MRTFB: variants seen among roughly 807,000 people sequenced by gnomAD.
The protein encoded by MRTFB is myocardin-related transcription factor B.
MRTFB carries 29 observed loss-of-function variants against 104.2 expected under a neutral mutation model. That is an observed-to-expected ratio of 0.28 (90% CI 0.21 to 0.38). The LOEUF (loss-of-function observed/expected upper bound fraction) is 0.38. MRTFB is among the 10% of genes least tolerant of loss of function. MRTFB has a pLI of 1.00. For missense variants in MRTFB, 1,270 were observed against 1,341.6 expected (o/e 0.95, Z 0.83); for synonymous variants, 535 against 519.5 (o/e 1.03, Z -0.41).
chr16:14,039,014 C>T, the MRTFB span, among the ~76,000 whole-genome samples: 2 of 152,132 alleles, frequency 1.3e-5, no homozygotes, highest in Non-Finnish European at 2.9e-5. Context: ...GGGGAAACTG[C>T]CCCCATGATT....
At chr16:14,229,164 G>A (rs1345080156) in intron 8 of MRTFB, among the ~76,000 whole-genome samples, 5 of 152,068 alleles carry the variant, frequency 3.3e-5, no homozygotes, top group Non-Finnish European at 2.9e-5. Flanking sequence ...CCCACTGAAC[G>A]TCCACTAGAT....
At chr16:14,071,950 T>A (rs2033728848) in intron 1 of MRTFB, among the ~76,000 whole-genome samples, 1 of 151,904 alleles carries the variant, frequency 6.6e-6, no homozygotes, top group Non-Finnish European at 1.5e-5. Context: ...GGCTTTTGTC[T>A]CGTTCCTAAA....
chr16:14,065,648 G>A, the MRTFB span, among the ~76,000 whole-genome samples: 1 of 152,112 alleles, frequency 6.6e-6, no homozygotes, highest in East Asian at 1.9e-4. Context: ...AGGAGGCTGA[G>A]GAAGGGAGAC....
chr16:14,034,549 G>A, the MRTFB span, among the ~76,000 whole-genome samples: 5 of 151,108 alleles, frequency 3.3e-5, no homozygotes, highest in Admixed American at 6.6e-5. Flanking sequence ...AGGAGGCAGA[G>A]GTTGCAGTGA....
intron 3 of MRTFB, among the ~76,000 whole-genome samples, chr16:14,206,663 T>C (rs1215031575): frequency 1.3e-5 from 2 of 152,192 alleles, no homozygotes; most frequent in Non-Finnish European, 2.9e-5. Context: ...TGCCTCAGCC[T>C]GCTGAGTAGC....
At chr16:14,060,224 C>T in the MRTFB span, among the ~76,000 whole-genome samples, 1 of 151,992 alleles carries the variant, frequency 6.6e-6, no homozygotes, top group Non-Finnish European at 1.5e-5. Context: ...CCAGGCTGGT[C>T]TCGAACTTCT....
At chr16:14,019,451 T>C in the MRTFB span, 1 of 152,230 alleles carries the variant, frequency 6.6e-6, no homozygotes, top group Non-Finnish European at 1.5e-5. Flanking sequence ...GGCCCATTCC[T>C]GCACTTCTTT....
intron 2 of MRTFB, among the ~76,000 whole-genome samples, chr16:14,111,890 C>T (rs1007564220): frequency 1.3e-5 from 2 of 152,218 alleles, no homozygotes; most frequent in African/African-American, 2.4e-5. Context: ...CACTGCCACA[C>T]CCACCTGGGT....
At chr16:14,163,821 G>A (rs1270040095) in intron 3 of MRTFB, among the ~76,000 whole-genome samples, 7 of 141,014 alleles carry the variant, frequency 5.0e-5, no homozygotes, top group Admixed American at 1.4e-4. Context: ...CAACAAGAGC[G>A]AAACTCTGTC....
In MRTFB at chr16:14,246,743, C is replaced by G. The variant is rs760032035; in HGVS notation, c.1483C>G (p.Arg495Gly). ...ACCTACAGGAACCAGCAACGCAACC[C>G]GTGTGGAAAATGTTCATTCCCCTCT... ...LPPTGTSNAT[R>G]VENVHSPLPI... Residue 495 changes from arginine (R) to glycine (G), a missense_variant, in exon 12 of 17, where the codon CGT becomes GGT. Physicochemically the swap from Arg to Gly is moderately radical, Grantham distance 125. This residue lies in a region of MRTFB where 1,144 missense variants were observed against 1,131.5 expected (regional missense o/e 1.01). Coordinates refer to ENST00000571589, the MANE Select transcript of MRTFB (RefSeq NM_001308142.2). The G allele has an allele frequency of 6.2e-7, 1 of 1,614,202 alleles. No homozygotes were observed. Among genetic ancestry groups the G allele is most frequent in the South Asian group, 1.1e-5 (1 of 91,078 alleles).
intron 9 of MRTFB, among the ~76,000 whole-genome samples, chr16:14,235,762 G>A (rs1012503270): frequency 6.6e-6 from 1 of 152,146 alleles, no homozygotes; most frequent in African/African-American, 2.4e-5. Context: ...TCCTCTACAG[G>A]TGCCTTCCTG....
chr16:14,008,998 G>C, the MRTFB span, among the ~76,000 whole-genome samples: 1 of 120,704 alleles, frequency 8.3e-6, no homozygotes, highest in Non-Finnish European at 1.9e-5. Context: ...ACCCAGGCTG[G>C]AGTACAGTGG....
At chr16:14,012,291 C>CTTTT in the MRTFB span, among the ~76,000 whole-genome samples, 7 of 97,756 alleles carry the variant, frequency 7.2e-5, no homozygotes, top group African/African-American at 1.8e-4. Flanking sequence ...TTTTCTTTTT[C>CTTTT]TTTCTTTCTT....
chr16:13,999,515 G>T, the MRTFB span, among the ~76,000 whole-genome samples: 1 of 145,626 alleles, frequency 6.9e-6, no homozygotes, highest in Non-Finnish European at 1.5e-5. Flanking sequence ...AAAAAAAAAA[G>T]AAAGAAAGAA....
the MRTFB span, among the ~76,000 whole-genome samples, chr16:14,017,667 T>TTGTG: frequency 0.12 from 6,069 of 49,188 alleles, 1,011 homozygotes; most frequent in Non-Finnish European, 0.14. Context: ...GTGTGTGTAT[T>TTGTG]TGTGTGTGTG....
Position 14,249,073 on chromosome 16 carries a change from G to T in MRTFB, c.2395G>T (p.Val799Phe). The T allele has an allele frequency of 6.2e-7, 1 of 1,613,382 alleles. No homozygotes were observed. The highest frequency in any genetic ancestry group is 8.5e-7 in the Non-Finnish European group (1 of 1,179,818). Residue 799 changes from valine to phenylalanine, a missense_variant, in exon 13 of 17, where the codon GTC becomes TTC. Coordinates refer to ENST00000571589, the MANE Select transcript of MRTFB (RefSeq NM_001308142.2). ...GCATGTGCTCAGTCAGCCTCAACAA[G>T]TCAGAAAGGTTTGTAAATGCCAAGG... is the stretch of plus-strand genomic sequence containing the variant. ...PQHVLSQPQQ[V>F]RKVFTNSASS...
At position 14,240,838 on chromosome 16, in the gene MRTFB, A is replaced by T. The variant is rs1468822064; in HGVS notation, c.1079+354A>T. ...CATAAACAGCTAAAAGAAGAGAAGG[A>T]TGGGCATGAAAGCTGGAGTGGTCAA... On this transcript the variant is annotated intron_variant, in intron 10 of 16. Transcript: ENST00000571589. The T allele has an allele frequency of 4.5e-6, 3 of 667,396 alleles. No homozygotes were observed. In the South Asian group the frequency reaches 5.1e-5, roughly 11 times the overall value. 41.3% of individuals were successfully genotyped at this position (667,396 alleles called of 1,614,324 possible). A position where few individuals can be genotyped will look rare whatever the true frequency, so the allele number is the denominator to read the frequency against.
chr16:14,025,805 A>C, the MRTFB span, among the ~76,000 whole-genome samples: 1 of 152,254 alleles, frequency 6.6e-6, no homozygotes, highest in South Asian at 2.1e-4. Flanking sequence ...CATGCAAAAA[A>C]ATGTATCATT....
At chr16:14,082,539 T>C (rs1433843111) in intron 2 of MRTFB, among the ~76,000 whole-genome samples, 1 of 152,200 alleles carries the variant, frequency 6.6e-6, no homozygotes, top group East Asian at 1.9e-4. Context: ...CCCAGCACTT[T>C]GGGAGGCCAA....
Sources: gnomAD v4.1 joint callset for allele counts (sites outside exome capture counted in the v4.1 genomes callset) on GRCh38, gnomAD v4.1.1 for gene constraint, gnomAD v4.1.1 regional missense constraint, MANE v1.5 for transcripts, NCBI Gene and HGNC (gene_info 2026-07-23, HGNC 2026-07-21) for gene names.